Variants in MICALL1 observed in about 807,000 individuals in gnomAD.
The protein encoded by MICALL1 is MICAL like 1, also known as MICAL-like protein 1.
In MICALL1, 61 loss-of-function variants were observed where a neutral mutation model predicts 83.7. That is an observed-to-expected ratio of 0.73 (90% confidence interval 0.59 to 0.90). MICALL1 has a LOEUF of 0.90. MICALL1 is among the 40% of genes least tolerant of loss of function. The probability of loss-of-function intolerance (pLI) is 0.00; values close to 1 mark genes in which losing one functional copy is unlikely to be tolerated. For synonymous variants in MICALL1, 481 were observed against 473.6 expected (o/e 1.02, Z -0.20); for missense variants, 1,066 against 1,152.0 (o/e 0.93, Z 1.08).
In MICALL1 at chr22:37,940,752, G is replaced by T. The variant is rs754800099; in HGVS notation, c.2514G>T (p.Lys838Asn). Residue 838 changes from lysine (K) to asparagine (N), a missense_variant, in exon 16 of 16, where the codon AAG becomes AAT. Coordinates refer to ENST00000215957, the MANE Select transcript of MICALL1 (RefSeq NM_033386.4). ...AACCTGAGGGCAAGAAGAAGGGGAA[G>T]TTCAAGACCATGAAGATGTTGAAAC... is the stretch of plus-strand genomic sequence containing the variant. ...EAEPEGKKKG[K>N]FKTMKMLKLL... 8.7e-6 allele frequency: 14 copies of T among 1,614,174 alleles called. No homozygotes were observed. The East Asian group carries it at 2.7e-4, about 31-fold the overall frequency.
Position 37,932,488 on chromosome 22 carries a change from A to C in MICALL1, c.2017-65A>C. ...GCCACCAGTGGCCAATGCTGGCCAG[A>C]GAAGAGGGCAAGGCTCCTGGCAGCA... On this transcript the variant is annotated intron_variant, in intron 10 of 15. Transcript: ENST00000215957. The surrounding 1 kb of genome is among the most constrained non-coding windows in gnomAD (Gnocchi z 4.4). The C allele has an allele frequency of 6.3e-7, 1 of 1,595,386 alleles. No homozygotes were observed. Among genetic ancestry groups the C allele is most frequent in the South Asian group, 1.1e-5 (1 of 88,836 alleles).
At chr22:37,907,904 G>T (rs187257122) in intron 1 of MICALL1, among the ~76,000 whole-genome samples, 111 of 152,344 alleles carry the variant, frequency 7.3e-4, no homozygotes, top group African/African-American at 2.6e-3. Context: ...GGAGCAGGGG[G>T]TAGAAGGATG....
At chr22:37,933,243 G>A (rs1601832576) in intron 13 of MICALL1, 131 bp downstream of exon 13, 2 of 881,628 alleles carry the variant, frequency 2.3e-6, no homozygotes, top group Non-Finnish European at 3.6e-6. Flanking sequence ...AGGAGGAGGT[G>A]CGGGGCAGGG....
intron 5 of MICALL1, 93 bp from the exon 6 acceptor site, chr22:37,921,879 A>T: frequency 8.2e-7 from 1 of 1,223,042 alleles, no homozygotes; most frequent in African/African-American, 1.5e-5. Context: ...GGAGGAGGGA[A>T]GGGAGGAGAC....
At chr22:37,939,546 C>A (rs1354902742) in intron 15 of MICALL1, among the ~76,000 whole-genome samples, 1 of 151,704 alleles carries the variant, frequency 6.6e-6, no homozygotes, top group Admixed American at 6.6e-5. Context: ...GAGGCCGAGG[C>A]CGGCAGATCA....
rs1929384453 is a variant in MICALL1 at position 37,925,734 on chromosome 22, C to T, written c.1156C>T (p.Leu386Phe). The T allele has an allele frequency of 6.2e-7, 1 of 1,612,058 alleles. No individual in the cohort carries two copies. The highest frequency in any genetic ancestry group is 1.7e-5 in the Admixed American group (1 of 59,936). The change falls in exon 8 of 16, where the codon CTT becomes TTT. Residue 386 changes from leucine to phenylalanine, a missense_variant. Transcript: ENST00000215957. ...AGAACCAAAGAAGAAGCCAGCCCCACTTCCCCCAAGCAGCAGCCCGGGGCC... is the reference window on the plus strand; with the variant it reads ...AGAACCAAAGAAGAAGCCAGCCCCATTTCCCCCAAGCAGCAGCCCGGGGCC... ...QAEPKKKPAPLPPSSSPGPPS... is the reference protein window; with the variant it reads ...QAEPKKKPAPFPPSSSPGPPS...
At chr22:37,913,937 G>A (rs1005173142) in intron 3 of MICALL1, among the ~76,000 whole-genome samples, 6 of 150,840 alleles carry the variant, frequency 4.0e-5, no homozygotes, top group African/African-American at 1.2e-4. Flanking sequence ...GTGCGATGGC[G>A]CGATCTCGGC....
At chr22:37,908,636 G>A (rs1257060879) in intron 1 of MICALL1, among the ~76,000 whole-genome samples, 4 of 152,128 alleles carry the variant, frequency 2.6e-5, no homozygotes, top group Non-Finnish European at 5.9e-5. Context: ...TATTCAACCA[G>A]TATTTGTAGA....
At chr22:37,912,630 C>A in intron 3 of MICALL1, 138 bp downstream of exon 3, 3 of 743,070 alleles carry the variant, frequency 4.0e-6, no homozygotes, top group Non-Finnish European at 5.9e-6. Flanking sequence ...CATTAATTCA[C>A]TCATTGAAAT....
In MICALL1 at chr22:37,925,826, G is replaced by A. The variant is rs764708989; in HGVS notation, c.1248G>A (p.Thr416=). ...GTEEVAQPSP[T]ASLESKPYNP... is the part of the protein sequence containing the mutation. ...AGGAGGTGGCCCAGCCGAGCCCAACGGCCAGCCTGGAGTCCAAACCCTATA... is the reference window on the plus strand; with the variant it reads ...AGGAGGTGGCCCAGCCGAGCCCAACAGCCAGCCTGGAGTCCAAACCCTATA... The change falls in exon 8 of 16, where the codon ACG becomes ACA. Residue 416 remains threonine, a synonymous_variant. Coordinates refer to ENST00000215957, the MANE Select transcript of MICALL1 (RefSeq NM_033386.4). The A allele has an allele frequency of 5.6e-6, 9 of 1,613,830 alleles. No homozygotes were observed. The highest frequency in any genetic ancestry group is 3.3e-5 in the South Asian group (3 of 91,078).
intron 15 of MICALL1, among the ~76,000 whole-genome samples, chr22:37,940,402 G>A (rs980505385): frequency 6.6e-6 from 1 of 151,916 alleles, no homozygotes; most frequent in Non-Finnish European, 1.5e-5. Flanking sequence ...CAGCCTGGGC[G>A]ACAAAGCGAC....
At position 37,933,078 on chromosome 22, in the gene MICALL1, C is replaced by T. The variant is rs752364347; in HGVS notation, c.2274C>T (p.Val758=). ...QQNLEQRQAD[V]EYELRCLLNK... ...ACCTGGAGCAGCGCCAGGCTGATGTCGAGTATGAGCTCCGGTGCCTCCTCA... is the reference window on the plus strand; with the variant it reads ...ACCTGGAGCAGCGCCAGGCTGATGTTGAGTATGAGCTCCGGTGCCTCCTCA... Residue 758 remains valine, a synonymous_variant, in exon 13 of 16, where the codon GTC becomes GTT. Coordinates refer to ENST00000215957, the MANE Select transcript of MICALL1 (RefSeq NM_033386.4). 25 of 1,613,832 alleles carry T rather than the reference C, an allele frequency of 1.5e-5. No individual in the cohort carries two copies. The highest frequency in any genetic ancestry group is 1.3e-4 in the Admixed American group (8 of 59,982).
intron 4 of MICALL1, among the ~76,000 whole-genome samples, chr22:37,918,679 G>C (rs1928826747): frequency 6.6e-6 from 1 of 152,352 alleles, no homozygotes; most frequent in South Asian, 2.1e-4. Context: ...CCCCGCAAAG[G>C]GGAGGAGGAG....
chr22:37,922,202 C>G lies in MICALL1; in HGVS notation c.800C>G (p.Ala267Gly), dbSNP rs552028126. Residue 267 changes from alanine (A) to glycine (G), a missense_variant, in exon 6 of 16, where the codon GCC becomes GGC. By Grantham distance (60) the Ala-to-Gly change is moderately conservative. Transcript: ENST00000215957. ...PSSSAPAGAE[A>G]DGPKASPEAR... ...TCCAGTGCTCCTGCAGGGGCTGAGGCCGATGGACCCAAGGCCAGCCCTGAG... is the reference window on the plus strand; with the variant it reads ...TCCAGTGCTCCTGCAGGGGCTGAGGGCGATGGACCCAAGGCCAGCCCTGAG... 4.3e-6 allele frequency: 7 copies of G among 1,611,986 alleles called. No homozygotes were observed. The Admixed American group carries it at 1.2e-4, about 27-fold the overall frequency.
intron 3 of MICALL1, among the ~76,000 whole-genome samples, 167 bp downstream of exon 3, chr22:37,912,659 G>C (rs1445410927): frequency 1.3e-5 from 2 of 151,124 alleles, no homozygotes; most frequent in Non-Finnish European, 2.9e-5. Context: ...TTTTTTTTGA[G>C]ACAGAGTTTC....
chr22:37,935,276 T>A (rs978605556), intron 13 of MICALL1, among the ~76,000 whole-genome samples: 1 of 150,882 alleles, frequency 6.6e-6, no homozygotes, highest in Non-Finnish European at 1.5e-5. Flanking sequence ...ATTTTATTTT[T>A]TTGAGTCAGA....
chr22:37,912,269 C>T, intron 2 of MICALL1, 82 bp from the exon 3 acceptor site: 1 of 1,518,234 alleles, frequency 6.6e-7, no homozygotes, highest in South Asian at 1.3e-5. Context: ...GGGAGCTGGG[C>T]CTAGGCTGAG....
rs749191850 is a variant in MICALL1 at position 37,924,085 on chromosome 22, G to T, written c.1025-575G>T. On this transcript the variant is annotated intron_variant, in intron 6 of 15. Coordinates refer to ENST00000215957, the MANE Select transcript of MICALL1 (RefSeq NM_033386.4). This position sits in a 1 kb window ranked among gnomAD's most constrained non-coding sequence, Gnocchi z 5.2. Reference sequence around the variant, plus strand: ...CATTAGGGAAGGCATTGGTGGCCACGGGGAGAGAGACTCCCAGGGTCACCC... The same window carrying T: ...CATTAGGGAAGGCATTGGTGGCCACTGGGAGAGAGACTCCCAGGGTCACCC... Among the ~76,000 whole-genome samples, 1 of 152,200 alleles carries T rather than the reference G, an allele frequency of 6.6e-6. No homozygotes were observed.
Position 37,932,640 on chromosome 22 carries a change from G to A in MICALL1, c.2104G>A (p.Gly702Arg), listed in dbSNP as rs368940855. 78 of 1,614,006 alleles carry A rather than the reference G, an allele frequency of 4.8e-5. No homozygotes were observed. The highest frequency in any genetic ancestry group is 6.3e-5 in the Non-Finnish European group (74 of 1,180,020). Residue 702 changes from glycine (G) to arginine (R), a missense_variant, in exon 11 of 16, where the codon GGG becomes AGG. By Grantham distance (125) the Gly-to-Arg change is moderately radical (BLOSUM62 -2). Transcript: ENST00000215957. The surrounding 1 kb of genome is among the most constrained non-coding windows in gnomAD (Gnocchi z 4.4). ...ERRLDALEHR[G>R]VLLEEKLRGG... ...CCGGCTGGATGCCCTGGAGCACCGT[G>A]GGGTGCTGCTGGAGGAGAAGCTGCG...
Sources: gnomAD v4.1 joint callset for allele counts (sites outside exome capture counted in the v4.1 genomes callset) on GRCh38, gnomAD v4.1.1 for gene constraint, Gnocchi (gnomAD v3.1) non-coding constraint, MANE v1.5 for transcripts, NCBI Gene and HGNC (gene_info 2026-07-23, HGNC 2026-07-21) for gene names.